GRIP2: variants seen among roughly 807,000 people sequenced by gnomAD.
GRIP2 encodes glutamate receptor interacting protein 2.
In GRIP2, 58 loss-of-function variants were observed where a neutral mutation model predicts 108.3. That is an observed-to-expected ratio of 0.54 (90% confidence interval 0.43 to 0.67). The LOEUF (loss-of-function observed/expected upper bound fraction) is 0.67. GRIP2 is among the 30% of genes least tolerant of loss of function. The pLI is 0.00. For missense variants in GRIP2, 1,278 were observed against 1,430.6 expected (o/e 0.89, Z 1.72); for synonymous variants, 586 against 598.2 (o/e 0.98, Z 0.30).
the GRIP2 span, among the ~76,000 whole-genome samples, chr3:14,597,950 T>G: frequency 0.26 from 39,955 of 152,080 alleles, 5,564 homozygotes; most frequent in East Asian, 0.43. Context: ...AACAAAAGAT[T>G]CCTTCCAAAG....
In GRIP2 at chr3:14,523,670, T is replaced by C; in HGVS notation, c.432A>G (p.Ser144=). Residue 144 remains serine (S), a synonymous_variant, in exon 5 of 24, where the codon TCA becomes TCG. Transcript: ENST00000621039. ...PAPENNPRII[S]KTVDVSLYKE... The stretch of plus-strand genomic sequence containing the variant: ...TGTAGAGGGAGACGTCCACTGTCTT[T>C]GAAATGATCCTGGGGTTATTCTCAG... The C allele has an allele frequency of 6.2e-7, 1 of 1,612,068 alleles. No individual in the cohort carries two copies. The highest frequency in any genetic ancestry group is 8.5e-7 in the Non-Finnish European group (1 of 1,179,172).
upstream of GRIP2, among the ~76,000 whole-genome samples, chr3:14,541,579 A>T (rs999187484): frequency 6.6e-6 from 1 of 152,200 alleles, no homozygotes; most frequent in Non-Finnish European, 1.5e-5. Flanking sequence ...CGCTAGTGGC[A>T]CCTTTAGAAT....
rs746257135 is a variant in GRIP2, at chr3:14,496,433, G to T, written c.2807C>A (p.Pro936His). The T allele has an allele frequency of 6.2e-7, 1 of 1,612,086 alleles. No individual in the cohort carries two copies. Among genetic ancestry groups the T allele is most frequent in the Non-Finnish European group, 8.5e-7 (1 of 1,179,102 alleles). ...AEMEELLLPT[P>H]LEMHKVTLHK... is the part of the protein sequence containing the mutation. Reference sequence around the variant, plus strand: ...TGTGCCTACCTTGTGCATCTCCAAGGGTGTAGGCAGCAACAGCTCCTCCAT... The same window carrying T: ...TGTGCCTACCTTGTGCATCTCCAAGTGTGTAGGCAGCAACAGCTCCTCCAT... The change falls in exon 22 of 24, where the codon CCC becomes CAC. Residue 936 changes from proline to histidine, a missense_variant. By Grantham distance (77) the Pro-to-His change is moderately conservative (BLOSUM62 -2). Coordinates refer to ENST00000621039, the MANE Select transcript of GRIP2 (RefSeq NM_001080423.4).
In GRIP2 at chr3:14,491,721, CTGT is replaced by C. The variant is rs879692023; in HGVS notation, c.*1941_*1943del. On this transcript the variant is annotated 3_prime_UTR_variant, in exon 24 of 24. Coordinates refer to ENST00000621039, the MANE Select transcript of GRIP2 (RefSeq NM_001080423.4). ...AGCCGAGAGGCCCTGAGAGTGTGTC[CTGT>C]CCAGCCCTGTTGCTTAGCAGAGGTC... The C allele has an allele frequency of 6.6e-5, 10 of 152,354 alleles. No individual in the cohort carries two copies. Among genetic ancestry groups the C allele is most frequent in the Admixed American group, 4.6e-4 (7 of 15,284 alleles). 9.4% of individuals were successfully genotyped at this position (152,354 alleles called of 1,614,324 possible). A position where few individuals can be genotyped will look rare whatever the true frequency, so the allele number is the denominator to read the frequency against.
chr3:14,599,991 A>C, the GRIP2 span, among the ~76,000 whole-genome samples: 1 of 152,158 alleles, frequency 6.6e-6, no homozygotes, highest in Non-Finnish European at 1.5e-5. Flanking sequence ...TAAGATTCTA[A>C]ACCCTGTGTG....
rs754363222 is a variant in GRIP2 at position 14,524,493 on chromosome 3, C to T, written c.303G>A (p.Gly101=). The change falls in exon 4 of 24, where the codon GGG becomes GGA. Residue 101 remains glycine (G), a synonymous_variant. Transcript: ENST00000621039. ...CGTGGCGGAGCCTGGTCAGGTGGAT[C>T]CCGTTCACAGACCGAATATAGTCAC... ...NIGDYIRSVN[G]IHLTRLRHDE... 6.4e-7 allele frequency: 1 copy of T among 1,565,782 alleles called. No homozygotes were observed. The highest frequency in any genetic ancestry group is 1.2e-5 in the South Asian group (1 of 84,922).
upstream of GRIP2, among the ~76,000 whole-genome samples, chr3:14,542,299 A>G (rs1337372823): frequency 2.0e-5 from 3 of 150,256 alleles, no homozygotes; most frequent in African/African-American, 7.3e-5. Flanking sequence ...GACTACAGGC[A>G]GGTGCCACCA....
intron 21 of GRIP2, among the ~76,000 whole-genome samples, chr3:14,499,156 T>C (rs1693698183): frequency 6.6e-6 from 1 of 152,194 alleles, no homozygotes; most frequent in Admixed American, 6.5e-5. Context: ...GGCCGGAATC[T>C]GCCTTCCACA....
chr3:14,597,108 G>A, the GRIP2 span, among the ~76,000 whole-genome samples: 1 of 152,230 alleles, frequency 6.6e-6, no homozygotes, highest in Non-Finnish European at 1.5e-5. Context: ...AAAGGGAACA[G>A]CAAGTGCAAA....
chr3:14,575,029 AG>A, the GRIP2 span, among the ~76,000 whole-genome samples: 1 of 152,144 alleles, frequency 6.6e-6, no homozygotes, highest in Non-Finnish European at 1.5e-5. Flanking sequence ...AAAGGTCAGG[AG>A]GGTGGGTACC....
the GRIP2 span, among the ~76,000 whole-genome samples, chr3:14,576,511 C>T: frequency 6.6e-6 from 1 of 152,204 alleles, no homozygotes; most frequent in East Asian, 1.9e-4. Context: ...GTGAGAGAGG[C>T]CTGGTGCTGG....
At chr3:14,595,572 C>T in the GRIP2 span, among the ~76,000 whole-genome samples, 81 of 152,336 alleles carry the variant, frequency 5.3e-4, no homozygotes, top group African/African-American at 1.9e-3. Context: ...ACAGTCGCCA[C>T]GGGGATCACT....
intron 2 of GRIP2, 118 bp from the exon 3 acceptor site, chr3:14,525,690 G>T: frequency 7.3e-7 from 1 of 1,362,144 alleles, no homozygotes; most frequent in African/African-American, 1.4e-5. Flanking sequence ...ATTGCCCTGG[G>T]TGATGATCAC....
rs1395735063 is a variant in GRIP2, at chr3:14,494,868, A to T, written c.2945T>A (p.Leu982His). The T allele has an allele frequency of 1.9e-6, 3 of 1,613,632 alleles. No individual in the cohort carries two copies. The South Asian group carries it at 3.3e-5, about 18-fold the overall frequency. The stretch of plus-strand genomic sequence containing the variant: ...CTGCAGGACCCTGTCGAAGGGCTGG[A>T]GGCCTCCACGGTGGGCTGGCCCATC... Reference protein sequence around the residue: ...RPDGPAHRGGLQPFDRVLQVN... With the variant: ...RPDGPAHRGGHQPFDRVLQVN... Residue 982 changes from leucine (L) to histidine (H), a missense_variant, in exon 23 of 24, where the codon CTC becomes CAC. Physicochemically the swap from Leu to His is moderately conservative, Grantham distance 99 (BLOSUM62 -3). Coordinates refer to ENST00000621039, the MANE Select transcript of GRIP2 (RefSeq NM_001080423.4).
upstream of GRIP2, among the ~76,000 whole-genome samples, chr3:14,541,035 G>T (rs371449925): frequency 2.2e-4 from 33 of 152,372 alleles, no homozygotes; most frequent in African/African-American, 7.9e-4. Context: ...GGGCCAGTTG[G>T]TCACAGGCTC....
chr3:14,515,229 C>G (rs1239792842), intron 11 of GRIP2, among the ~76,000 whole-genome samples: 2 of 152,184 alleles, frequency 1.3e-5, no homozygotes, highest in African/African-American at 4.8e-5. Context: ...TTTTGTTTAT[C>G]TATTCATCCA....
chr3:14,530,606 T>C (rs1261712689), intron 1 of GRIP2, among the ~76,000 whole-genome samples: 1 of 152,190 alleles, frequency 6.6e-6, no homozygotes, highest in African/African-American at 2.4e-5. Flanking sequence ...TCCTAGGCAT[T>C]TAAAGTGTGT....
intron 21 of GRIP2, among the ~76,000 whole-genome samples, chr3:14,502,500 A>T (rs903502638): frequency 6.6e-6 from 1 of 152,008 alleles, no homozygotes; most frequent in Non-Finnish European, 1.5e-5. Context: ...TCTCAAAAAA[A>T]AAAAGAGAGA....
intron 21 of GRIP2, among the ~76,000 whole-genome samples, chr3:14,496,915 A>G (rs1471603620): frequency 6.6e-6 from 1 of 151,926 alleles, no homozygotes; most frequent in Non-Finnish European, 1.5e-5. Context: ...CTCCTTAGAG[A>G]TATAAAAAAG....
Sources: gnomAD v4.1 joint callset for allele counts (sites outside exome capture counted in the v4.1 genomes callset) on GRCh38, gnomAD v4.1.1 for gene constraint, MANE v1.5 for transcripts, NCBI Gene and HGNC (gene_info 2026-07-23, HGNC 2026-07-21) for gene names.